The following PKIB variants were observed in gnomAD, a reference collection of about 807,000 sequenced individuals.
The protein encoded by PKIB is cAMP-dependent protein kinase inhibitor beta.
Under a neutral mutation model 4.5 loss-of-function variants are expected in PKIB, and 2 were observed. The observed-to-expected ratio is 0.44, with a 90% CI of 0.18 to 1.39. The LOEUF (loss-of-function observed/expected upper bound fraction) is 1.39. Ranked by LOEUF, PKIB falls within the 40% of genes most tolerant of loss-of-function variation. The pLI, the probability that PKIB is intolerant of heterozygous loss-of-function variation, is 0.27. For missense variants in PKIB, 94 were observed against 92.6 expected, an observed-to-expected ratio of 1.02 and a Z score of -0.06; for synonymous variants, 38 against 36.0, an observed-to-expected ratio of 1.06 and a Z score of -0.20.
chr6:122,721,994 G>A (rs1313770364), intron 4 of PKIB, among the ~76,000 whole-genome samples: 1 of 152,016 alleles, frequency 6.6e-6, no homozygotes, highest in East Asian at 1.9e-4. Flanking sequence ...GGCTTGAAAG[G>A]GAAGTTTGAT....
intron 2 of PKIB, among the ~76,000 whole-genome samples, chr6:122,671,216 C>T (rs1280772380): frequency 6.6e-6 from 1 of 151,406 alleles, no homozygotes; most frequent in African/African-American, 2.4e-5. Flanking sequence ...GGCTTGAACC[C>T]AGGAGGCGGA....
chr6:122,605,663 G>A (rs534827685), upstream of PKIB, among the ~76,000 whole-genome samples: 215 of 152,094 alleles, frequency 1.4e-3, no homozygotes, highest in African/African-American at 4.9e-3. Flanking sequence ...ATGGAGAGTG[G>A]GCGAATCCTC....
intron 3 of PKIB, among the ~76,000 whole-genome samples, chr6:122,700,878 C>T (rs1237437962): frequency 6.6e-6 from 1 of 152,126 alleles, no homozygotes; most frequent in Non-Finnish European, 1.5e-5. Context: ...AGGTCCATAT[C>T]CAGTAAAGTC....
At chr6:122,603,541 C>G (rs1241090491) in intron 3 of PKIB, among the ~76,000 whole-genome samples, 1 of 152,138 alleles carries the variant, frequency 6.6e-6, no homozygotes, top group African/African-American at 2.4e-5. Context: ...TACAGTGGTG[C>G]TATCTCAACT....
At chr6:122,508,653 A>C in intron 2 of PKIB, among the ~76,000 whole-genome samples, 1 of 152,180 alleles carries the variant, frequency 6.6e-6, no homozygotes, top group East Asian at 1.9e-4. Flanking sequence ...ACAATTGATA[A>C]AGCTGTTTAC....
At chr6:122,626,527 T>C (rs1455510255) in intron 1 of PKIB, among the ~76,000 whole-genome samples, 1 of 152,202 alleles carries the variant, frequency 6.6e-6, no homozygotes, top group Non-Finnish European at 1.5e-5. Flanking sequence ...AATAACAATC[T>C]GGAACAATTC....
intron 3 of PKIB, among the ~76,000 whole-genome samples, chr6:122,698,447 CA>C (rs1778661985): frequency 6.6e-6 from 1 of 152,158 alleles, no homozygotes; most frequent in South Asian, 2.1e-4. Context: ...TAGCTGGGTA[CA>C]GAGGGTCACA....
chr6:122,506,746 C>A (rs9385251), intron 2 of PKIB, among the ~76,000 whole-genome samples: 1 of 136,718 alleles, frequency 7.3e-6, no homozygotes, highest in Non-Finnish European at 1.5e-5. Flanking sequence ...GTGGCCCAGG[C>A]GGGAGTGCAG....
intron 1 of PKIB, among the ~76,000 whole-genome samples, chr6:122,617,095 C>T (rs1354170713): frequency 6.6e-6 from 1 of 152,168 alleles, no homozygotes; most frequent in African/African-American, 2.4e-5. Context: ...AGCACACACT[C>T]AGGTCTCATT....
chr6:122,633,402 T>C (rs1042457797), intron 2 of PKIB, 35 bp downstream of exon 2: 2 of 152,170 alleles, frequency 1.3e-5, no homozygotes, highest in Non-Finnish European at 2.9e-5. Flanking sequence ...TCTTGGAACA[T>C]ATGGAATAAT....
chr6:122,539,507 C>G (rs989315293), intron 2 of PKIB, among the ~76,000 whole-genome samples: 1 of 152,020 alleles, frequency 6.6e-6, no homozygotes, highest in African/African-American at 2.4e-5. Context: ...TATGTGGAAC[C>G]AGCCTTGCAT....
chr6:122,548,369 A>G (rs9320878), intron 2 of PKIB, among the ~76,000 whole-genome samples: 22,149 of 152,226 alleles, frequency 0.15, 1,684 homozygotes, highest in East Asian at 0.26. Flanking sequence ...TTTCTAAAGC[A>G]TTAAAAAAAA....
intron 4 of PKIB, among the ~76,000 whole-genome samples, chr6:122,720,786 C>T (rs1034916429): frequency 6.6e-6 from 1 of 151,930 alleles, no homozygotes; most frequent in Non-Finnish European, 1.5e-5. Context: ...GCTTCAACCT[C>T]TGCCTCCCGG....
intron 2 of PKIB, among the ~76,000 whole-genome samples, chr6:122,540,321 G>A (rs1296303533): frequency 1.3e-5 from 2 of 151,830 alleles, no homozygotes; most frequent in East Asian, 3.9e-4. Context: ...GGCATTTAGT[G>A]CTATAAATTT....
intron 3 of PKIB, among the ~76,000 whole-genome samples, chr6:122,678,611 G>A (rs905657855): frequency 2.0e-5 from 3 of 152,094 alleles, no homozygotes; most frequent in Admixed American, 6.5e-5. Flanking sequence ...GTGCTTCTCT[G>A]TCCGAAGAGC....
At chr6:122,514,940 A>G (rs1191247184) in intron 2 of PKIB, among the ~76,000 whole-genome samples, 1 of 152,164 alleles carries the variant, frequency 6.6e-6, no homozygotes, top group Non-Finnish European at 1.5e-5. Flanking sequence ...CATTCATTCT[A>G]TGCTTCTGTG....
chr6:122,564,787 G>T (rs1198618772), intron 2 of PKIB, among the ~76,000 whole-genome samples: 1 of 152,138 alleles, frequency 6.6e-6, no homozygotes, highest in Non-Finnish European at 1.5e-5. Flanking sequence ...GCTGCTGTAG[G>T]TTAGGGACCT....
rs1775774180 is a variant in PKIB at position 122,633,277 on chromosome 6, CT to C, written c.-160-4del. 1 of 152,120 alleles carries C rather than the reference CT, an allele frequency of 6.6e-6. No individual in the cohort carries two copies. Among genetic ancestry groups the C allele is most frequent in the South Asian group, 2.1e-4 (1 of 4,828 alleles). 9.4% of individuals were successfully genotyped at this position (152,120 alleles called of 1,614,324 possible). ...ATAAATCTGTTCCTGCCTTTGTTTC[CT>C]TCAGGAGTCATGCTATACTGAAAAG... is the stretch of plus-strand genomic sequence containing the variant. On this transcript the variant is annotated splice_region_variant and splice_polypyrimidine_tract_variant and intron_variant, in intron 1 of 4. Coordinates refer to ENST00000368452, the MANE Select transcript of PKIB (RefSeq NM_181795.3).
chr6:122,703,072 C>G (rs1043901730), intron 3 of PKIB, among the ~76,000 whole-genome samples: 2 of 152,124 alleles, frequency 1.3e-5, no homozygotes, highest in East Asian at 3.9e-4. Context: ...CAATTGACTT[C>G]TCTTACGAAA....
Sources: gnomAD v4.1 joint callset for allele counts (sites outside exome capture counted in the v4.1 genomes callset) on GRCh38, gnomAD v4.1.1 for gene constraint, MANE v1.5 for transcripts, NCBI Gene and HGNC (gene_info 2026-07-23, HGNC 2026-07-21) for gene names.